The following NXPH1 variants were observed in gnomAD, a reference collection of about 807,000 sequenced individuals.
The protein encoded by NXPH1 is neurexophilin-1.
Under a neutral mutation model 23.7 loss-of-function variants are expected in NXPH1, and 5 were observed. The observed-to-expected ratio is 0.21, with a 90% CI of 0.11 to 0.44. The LOEUF is 0.44. Ranked by LOEUF, NXPH1 falls within the 20% of genes least tolerant of loss-of-function variation. NXPH1 has a pLI of 0.99. For synonymous variants in NXPH1, 144 were observed against 122.2 expected, an observed-to-expected ratio of 1.18 and a Z score of -1.18; for missense variants, 324 against 321.6, an observed-to-expected ratio of 1.01 and a Z score of -0.06.
At chr7:8,716,950 C>T (rs1251709963) in intron 2 of NXPH1, among the ~76,000 whole-genome samples, 1 of 152,178 alleles carries the variant, frequency 6.6e-6, no homozygotes, top group Non-Finnish European at 1.5e-5. Flanking sequence ...ATTAGTACAG[C>T]AGTGAGGCTC....
At chr7:8,683,549 T>C (rs1027792826) in intron 2 of NXPH1, among the ~76,000 whole-genome samples, 2 of 152,202 alleles carry the variant, frequency 1.3e-5, no homozygotes, top group African/African-American at 4.8e-5. Flanking sequence ...CAGCCCAGTG[T>C]GCTTTCTTCT....
At chr7:8,482,385 G>T (rs1817089842) in intron 2 of NXPH1, among the ~76,000 whole-genome samples, 1 of 152,100 alleles carries the variant, frequency 6.6e-6, no homozygotes, top group Non-Finnish European at 1.5e-5. Flanking sequence ...TCTGTTTTTA[G>T]CAGGAAGCTC....
intron 2 of NXPH1, among the ~76,000 whole-genome samples, chr7:8,527,970 C>T (rs1817891654): frequency 6.6e-6 from 1 of 152,178 alleles, no homozygotes; most frequent in Non-Finnish European, 1.5e-5. Context: ...AGAGTTTCCT[C>T]GGGAAGAATC....
chr7:8,699,420 T>C (rs1221165276), intron 2 of NXPH1, among the ~76,000 whole-genome samples: 1 of 144,220 alleles, frequency 6.9e-6, no homozygotes, highest in Middle Eastern at 3.2e-3. Flanking sequence ...CTTTTTGGTG[T>C]CAATGTTTTA....
intron 2 of NXPH1, among the ~76,000 whole-genome samples, chr7:8,474,780 C>A (rs1816941099): frequency 6.6e-6 from 1 of 152,068 alleles, no homozygotes; most frequent in African/African-American, 2.4e-5. Context: ...TTTTTTCCAA[C>A]CTCACTTTTA....
chr7:8,744,528 A>G (rs1397448410), intron 2 of NXPH1, among the ~76,000 whole-genome samples: 1 of 152,138 alleles, frequency 6.6e-6, no homozygotes, highest in Non-Finnish European at 1.5e-5. Flanking sequence ...TATTCTTAGC[A>G]TACTTCTTTA....
chr7:8,470,001 T>C (rs77532873), intron 2 of NXPH1, among the ~76,000 whole-genome samples: 2,438 of 152,264 alleles, frequency 0.016, 63 homozygotes, highest in African/African-American at 0.053. Context: ...TAAACTGACC[T>C]CCAACTGTAT....
intron 2 of NXPH1, among the ~76,000 whole-genome samples, chr7:8,597,800 A>C (rs1373974843): frequency 2.6e-5 from 4 of 152,040 alleles, no homozygotes; most frequent in African/African-American, 9.7e-5. Flanking sequence ...TTCTTTAGCT[A>C]CTGTTAATGC....
At chr7:8,657,212 A>C (rs1820597636) in intron 2 of NXPH1, among the ~76,000 whole-genome samples, 2 of 152,254 alleles carry the variant, frequency 1.3e-5, no homozygotes, top group African/African-American at 4.8e-5. Flanking sequence ...GAATTAAAAG[A>C]GCAAAAAACC....
intron 2 of NXPH1, among the ~76,000 whole-genome samples, chr7:8,485,103 A>G (rs901638408): frequency 6.6e-6 from 1 of 152,188 alleles, no homozygotes; most frequent in Admixed American, 6.5e-5. Flanking sequence ...GAGACATGTC[A>G]TGGGAGGGAC....
At chr7:8,695,336 C>CA (rs1240464571) in intron 2 of NXPH1, among the ~76,000 whole-genome samples, 2 of 152,158 alleles carry the variant, frequency 1.3e-5, no homozygotes, top group Non-Finnish European at 2.9e-5. Flanking sequence ...CAAAGCCACA[C>CA]AATTAGTGAT....
In NXPH1 at chr7:8,604,980, T is replaced by G. The variant is rs138493441; in HGVS notation, c.55-146028T>G. On this transcript the variant is annotated intron_variant, in intron 2 of 2. Coordinates refer to ENST00000405863, the MANE Select transcript of NXPH1 (RefSeq NM_152745.3). ...TTTTTTCTCCACCATTTTAGATTGA[T>G]TCTTAAATATCACAACATTGTACAT... Among the ~76,000 whole-genome samples the G allele has an allele frequency of 3.9e-3, 597 of 152,272 alleles. 3 individuals are homozygous for G. The highest frequency in any genetic ancestry group is 0.013 in the African/African-American group (552 of 41,582).
chr7:8,598,185 C>T (rs911687812), intron 2 of NXPH1, among the ~76,000 whole-genome samples: 2 of 152,056 alleles, frequency 1.3e-5, no homozygotes, highest in African/African-American at 4.8e-5. Flanking sequence ...TGTTTAATGT[C>T]ACCATGAAAT....
intron 2 of NXPH1, among the ~76,000 whole-genome samples, chr7:8,605,094 G>A (rs908262337): frequency 2.6e-5 from 4 of 152,142 alleles, no homozygotes; most frequent in African/African-American, 4.8e-5. Flanking sequence ...ATAACTTCAA[G>A]TGAATTCATT....
intron 2 of NXPH1, among the ~76,000 whole-genome samples, chr7:8,467,240 G>T (rs376618018): frequency 3.9e-5 from 6 of 152,154 alleles, no homozygotes; most frequent in African/African-American, 1.4e-4. Flanking sequence ...CTAAAATCTG[G>T]TTTAAAAGGT....
chr7:8,682,490 A>G (rs1425863204), intron 2 of NXPH1, among the ~76,000 whole-genome samples: 2 of 152,228 alleles, frequency 1.3e-5, no homozygotes, highest in East Asian at 3.8e-4. Context: ...TTTACAAGAT[A>G]CCACTTCTAC....
At chr7:8,668,617 C>T (rs1820818692) in intron 2 of NXPH1, among the ~76,000 whole-genome samples, 1 of 151,252 alleles carries the variant, frequency 6.6e-6, no homozygotes, top group Non-Finnish European at 1.5e-5. Context: ...TCCACAAAGG[C>T]TGATGTACTG....
In NXPH1 at chr7:8,643,431, T is replaced by C. The variant is rs562029937; in HGVS notation, c.55-107577T>C. Among the ~76,000 whole-genome samples, 7 of 152,312 alleles carry C rather than the reference T, an allele frequency of 4.6e-5. No homozygotes were observed. In the South Asian group the frequency reaches 1.2e-3, roughly 27 times the overall value. On this transcript the variant is annotated intron_variant, in intron 2 of 2. Transcript: ENST00000405863. ...TTTACATGAATATTCTCAAAATAGG[T>C]GTTCTAAAGTTACCTTTTAAGTGCT...
chr7:8,549,917 A>G (rs1429014585), intron 2 of NXPH1, among the ~76,000 whole-genome samples: 1 of 151,580 alleles, frequency 6.6e-6, no homozygotes, highest in Non-Finnish European at 1.5e-5. Flanking sequence ...CCTCTAAATT[A>G]TACTGGTTTC....
Sources: gnomAD v4.1 joint callset for allele counts (sites outside exome capture counted in the v4.1 genomes callset) on GRCh38, gnomAD v4.1.1 for gene constraint, MANE v1.5 for transcripts, NCBI Gene and HGNC (gene_info 2026-07-23, HGNC 2026-07-21) for gene names.